ABCA13: variants seen among roughly 807,000 people sequenced by gnomAD.
ABCA13 encodes the protein ATP binding cassette subfamily A member 13.
Under a neutral mutation model 478.7 loss-of-function variants are expected in ABCA13, and 476 were observed. The ratio of observed to expected loss-of-function variants is 0.99; its 90% CI spans 0.92 to 1.07. The LOEUF (loss-of-function observed/expected upper bound fraction) is 1.07. Among genes scored for constraint, ABCA13 ranks in the 50% least tolerant of loss-of-function variants. The pLI, the probability that ABCA13 is intolerant of heterozygous loss-of-function variation, is 0.00. For missense variants in ABCA13, 6,060 were observed against 5,910.6 expected, an observed-to-expected ratio of 1.03 and a Z score of -0.83; for synonymous variants, 2,252 against 2,158.9, an observed-to-expected ratio of 1.04 and a Z score of -1.20.
intron 43 of ABCA13, among the ~76,000 whole-genome samples, chr7:48,464,003 T>C (rs896848530): frequency 4.6e-5 from 7 of 152,186 alleles, no homozygotes; most frequent in Admixed American, 4.6e-4. Context: ...TAGGAGTGTG[T>C]ATTTGTTCAG....
chr7:48,178,021 C>G (rs1039481066), intron 1 of ABCA13, among the ~76,000 whole-genome samples: 2 of 152,118 alleles, frequency 1.3e-5, no homozygotes, highest in Admixed American at 1.3e-4. Flanking sequence ...TAAAAGCAAA[C>G]CTCCCTTTGT....
Position 48,244,680 on chromosome 7 carries a change from C to T in ABCA13, c.1367C>T (p.Ala456Val), listed in dbSNP as rs1456638911. The T allele has an allele frequency of 6.2e-7, 1 of 1,604,464 alleles. No individual in the cohort carries two copies. Among genetic ancestry groups the T allele is most frequent in the Non-Finnish European group, 8.5e-7 (1 of 1,174,202 alleles). ...GATGGAGCTCTCAGAAATGCGATAG[C>T]TCAGAATTTACATTTTGTCCAAGGT... ...QLDGALRNAIAQNLHFVQEVL... is the reference protein window; with the variant it reads ...QLDGALRNAIVQNLHFVQEVL... Residue 456 changes from alanine to valine, a missense_variant, in exon 11 of 62, where the codon GCT (alanine) becomes GTT (valine). By Grantham distance (64) the Ala-to-Val change is moderately conservative. Transcript: ENST00000435803.
chr7:48,589,170 A>G (rs931012887), intron 57 of ABCA13, among the ~76,000 whole-genome samples: 1 of 152,242 alleles, frequency 6.6e-6, no homozygotes, highest in Non-Finnish European at 1.5e-5. Flanking sequence ...AGTGGTTCAT[A>G]TAAGGAATAC....
At chr7:48,563,751 T>C (rs1407112584) in intron 55 of ABCA13, among the ~76,000 whole-genome samples, 2 of 151,890 alleles carry the variant, frequency 1.3e-5, no homozygotes, top group Non-Finnish European at 2.9e-5. Context: ...CATGTTTAAT[T>C]ATATCCGTGT....
intron 31 of ABCA13, among the ~76,000 whole-genome samples, chr7:48,355,678 C>A (rs1211445303): frequency 1.3e-5 from 2 of 151,952 alleles, no homozygotes. Flanking sequence ...AAAAAGTGGT[C>A]TGATTCTTGG....
At chr7:48,418,567 C>T (rs1427292284) in intron 41 of ABCA13, among the ~76,000 whole-genome samples, 2 of 152,116 alleles carry the variant, frequency 1.3e-5, no homozygotes, top group African/African-American at 4.8e-5. Flanking sequence ...GTTTTAAGAG[C>T]TCTTTGTTAA....
chr7:48,321,661 G>A (rs565338785), intron 27 of ABCA13, among the ~76,000 whole-genome samples: 1 of 152,310 alleles, frequency 6.6e-6, no homozygotes, highest in East Asian at 1.9e-4. Flanking sequence ...TGGAGGCCTT[G>A]GGGACCTGCT....
At chr7:48,209,875 G>GT (rs1785402479) in intron 3 of ABCA13, among the ~76,000 whole-genome samples, 1 of 151,874 alleles carries the variant, frequency 6.6e-6, no homozygotes, top group Non-Finnish European at 1.5e-5. Context: ...GGTCTTCTCT[G>GT]TTTTTTCCTA....
At chr7:48,242,151 C>T (rs568508951) in intron 10 of ABCA13, among the ~76,000 whole-genome samples, 1 of 152,156 alleles carries the variant, frequency 6.6e-6, no homozygotes, top group South Asian at 2.1e-4. Context: ...AGAAACACCA[C>T]ATTAAGTCAC....
intron 31 of ABCA13, among the ~76,000 whole-genome samples, chr7:48,358,199 GAAAGGAAAGGAA>G (rs1389993615): frequency 7.9e-6 from 1 of 126,216 alleles, no homozygotes; most frequent in African/African-American, 2.9e-5. Context: ...GACAGGACAG[GAAAGGAAAGGAA>G]AAAGGAAAGG....
chr7:48,280,097 T>C (rs1796833575), intron 18 of ABCA13, among the ~76,000 whole-genome samples, 177 bp downstream of exon 18: 1 of 152,248 alleles, frequency 6.6e-6, no homozygotes, highest in Admixed American at 6.5e-5. Context: ...TTTTTCATAA[T>C]TCGACTCATT....
At chr7:48,445,407 C>A (rs950518081) in intron 42 of ABCA13, among the ~76,000 whole-genome samples, 1 of 152,142 alleles carries the variant, frequency 6.6e-6, no homozygotes, top group Non-Finnish European at 1.5e-5. Flanking sequence ...CTCATGGACT[C>A]CTAAGATGAT....
At chr7:48,210,172 T>C (rs558083870) in intron 3 of ABCA13, among the ~76,000 whole-genome samples, 2 of 152,032 alleles carry the variant, frequency 1.3e-5, no homozygotes, top group African/African-American at 2.4e-5. Context: ...ACAATCATGG[T>C]GGAAGGGGAA....
intron 55 of ABCA13, among the ~76,000 whole-genome samples, chr7:48,528,592 T>C (rs997903711): frequency 6.6e-6 from 1 of 152,148 alleles, no homozygotes; most frequent in Non-Finnish European, 1.5e-5. Context: ...CAGACGTCCC[T>C]GGGAGGTATC....
intron 58 of ABCA13, chr7:48,612,178 G>T (rs1792092706): frequency 6.6e-6 from 1 of 152,154 alleles, no homozygotes; most frequent in African/African-American, 2.4e-5. Flanking sequence ...TAGCTCAAGG[G>T]AAGTGGAGAA....
intron 59 of ABCA13, chr7:48,627,101 T>C: frequency 1.1e-6 from 1 of 940,072 alleles, no homozygotes; most frequent in Non-Finnish European, 1.3e-6. Context: ...CCAAATGCTT[T>C]CTGTGCATGG....
chr7:48,375,982 A>G (rs545045493), intron 34 of ABCA13, among the ~76,000 whole-genome samples: 172 of 152,286 alleles, frequency 1.1e-3, no homozygotes, highest in African/African-American at 4.0e-3. Flanking sequence ...TCCAGAAATA[A>G]ATCACAAACC....
At chr7:48,513,177 A>G (rs1231047954) in intron 51 of ABCA13, among the ~76,000 whole-genome samples, 15 of 152,180 alleles carry the variant, frequency 9.9e-5, no homozygotes, top group Non-Finnish European at 1.9e-4. Flanking sequence ...CTAAGGACCT[A>G]TGGGTACACG....
rs1263439135 is a variant in ABCA13 at position 48,240,967 on chromosome 7, A to G, written c.1163A>G (p.Lys388Arg). The G allele has an allele frequency of 6.2e-7, 1 of 1,613,766 alleles. No individual in the cohort carries two copies. The highest frequency in any genetic ancestry group is 1.3e-5 in the African/African-American group (1 of 74,944). ...AGGAATCAGTTTGAAGAAGAGAGCAAGCCCTGGAAGGTGGTGGAAGCTCTG... is the reference window on the plus strand; with the variant it reads ...AGGAATCAGTTTGAAGAAGAGAGCAGGCCCTGGAAGGTGGTGGAAGCTCTG... ...ALRNQFEEES[K>R]PWKVVEALHT... Residue 388 changes from lysine (K) to arginine (R), a missense_variant, in exon 10 of 62, where the codon AAG (lysine) becomes AGG (arginine). By Grantham distance (26) the Lys-to-Arg change is conservative. Coordinates refer to ENST00000435803, the MANE Select transcript of ABCA13 (RefSeq NM_152701.5).
Sources: gnomAD v4.1 joint callset for allele counts (sites outside exome capture counted in the v4.1 genomes callset) on GRCh38, gnomAD v4.1.1 for gene constraint, MANE v1.5 for transcripts, NCBI Gene and HGNC (gene_info 2026-07-23, HGNC 2026-07-21) for gene names.